The following REV1 variants were observed in gnomAD, a reference collection of about 807,000 sequenced individuals.
The protein encoded by REV1 is translesion synthesis protein REV1.
In REV1, 42 loss-of-function variants were observed where a neutral mutation model predicts 137.4. That is an observed-to-expected ratio of 0.31 (90% confidence interval 0.24 to 0.40). The LOEUF (loss-of-function observed/expected upper bound fraction) is 0.40, where lower values mean the gene tolerates loss of function less well. REV1 is among the 10% of genes least tolerant of loss of function. REV1 has a pLI of 1.00. For missense variants in REV1, 1,282 were observed against 1,490.1 expected (o/e 0.86, Z 2.30); for synonymous variants, 524 against 519.2 (o/e 1.01, Z -0.12).
chr2:99,427,779 T>C (rs1679575394), intron 9 of REV1, among the ~76,000 whole-genome samples: 1 of 152,236 alleles, frequency 6.6e-6, no homozygotes, highest in Non-Finnish European at 1.5e-5. Context: ...GCATTTTTTT[T>C]TTCTTCAAGT....
chr2:99,476,140 T>C (rs1575232957), intron 1 of REV1, among the ~76,000 whole-genome samples: 1 of 152,256 alleles, frequency 6.6e-6, no homozygotes, highest in Admixed American at 6.5e-5. Context: ...GATGTGGCTG[T>C]GCAGTAAGAA....
At chr2:99,468,112 G>A (rs868812336) in intron 1 of REV1, among the ~76,000 whole-genome samples, 1 of 151,864 alleles carries the variant, frequency 6.6e-6, no homozygotes, top group Non-Finnish European at 1.5e-5. Context: ...CCCGGGAGGC[G>A]GAGGTTGCGG....
At chr2:99,424,757 G>T in intron 9 of REV1, 1 of 1,302,716 alleles carries the variant, frequency 7.7e-7, no homozygotes, top group Non-Finnish European at 1.0e-6. Flanking sequence ...CAGACAAAAT[G>T]TACTCATCCT....
Position 99,405,931 on chromosome 2 carries a change from T to A in REV1, c.2790A>T (p.Ile930=). The stretch of plus-strand genomic sequence containing the variant: ...GTACCTGGGAAGGTGACGGGACCTC[T>A]ATACTCAGGTTAAGTCTCGACTGCA... ...VSVQSRLNLS[I]EVPSPSQLDQ... The change falls in exon 17 of 23, where the codon ATA becomes ATT. Residue 930 remains isoleucine (I), a synonymous_variant. Transcript: ENST00000258428. 1 of 1,592,840 alleles carries A rather than the reference T, an allele frequency of 6.3e-7. No individual in the cohort carries two copies. The highest frequency in any genetic ancestry group is 8.5e-7 in the Non-Finnish European group (1 of 1,169,978).
chr2:99,488,934 T>C (rs1687380994), intron 1 of REV1, among the ~76,000 whole-genome samples: 2 of 152,254 alleles, frequency 1.3e-5, no homozygotes, highest in South Asian at 2.1e-4. Flanking sequence ...AATGAAACCA[T>C]TTCTACTTAG....
chr2:99,411,424 T>C (rs968445911), intron 13 of REV1, among the ~76,000 whole-genome samples: 1 of 151,540 alleles, frequency 6.6e-6, no homozygotes, highest in African/African-American at 2.4e-5. Context: ...TTTTTTTTTT[T>C]TGAGACAGTC....
At chr2:99,434,916 T>A (rs1448268251) in intron 7 of REV1, among the ~76,000 whole-genome samples, 2 of 152,206 alleles carry the variant, frequency 1.3e-5, no homozygotes, top group Non-Finnish European at 2.9e-5. Flanking sequence ...TTATCAAACA[T>A]GAGCATACAG....
chr2:99,401,730 G>A (rs929723338), intron 22 of REV1, among the ~76,000 whole-genome samples: 1 of 152,292 alleles, frequency 6.6e-6, no homozygotes, highest in African/African-American at 2.4e-5. Context: ...CTGGGCGACA[G>A]AGTGAGACTC....
intron 1 of REV1, among the ~76,000 whole-genome samples, chr2:99,472,479 G>A (rs931130757): frequency 2.0e-5 from 3 of 152,214 alleles, no homozygotes; most frequent in African/African-American, 4.8e-5. Flanking sequence ...CAATGTGAAT[G>A]TACTTAATGT....
chr2:99,473,603 TCCTAA>T (rs1472479583), intron 1 of REV1, among the ~76,000 whole-genome samples: 4 of 152,224 alleles, frequency 2.6e-5, no homozygotes, highest in Non-Finnish European at 5.9e-5. Flanking sequence ...CAGGCTTTAT[TCCTAA>T]CCTAATAAAA....
At position 99,434,320 on chromosome 2, in the gene REV1, G is replaced by T; in HGVS notation, c.1438+12C>A. 6.4e-7 allele frequency: 1 copy of T among 1,558,266 alleles called. No homozygotes were observed. Among genetic ancestry groups the T allele is most frequent in the Non-Finnish European group, 8.7e-7 (1 of 1,143,794 alleles). Reference sequence around the variant, plus strand: ...CAGGAGCACTAAGACTTCAAAGAGAGCTCATTTGTACCTGCTTTGCCTTTC... The same window carrying T: ...CAGGAGCACTAAGACTTCAAAGAGATCTCATTTGTACCTGCTTTGCCTTTC... On this transcript the variant is annotated intron_variant, in intron 8 of 22. Transcript: ENST00000258428.
At chr2:99,423,026 A>G (rs957684518) in intron 10 of REV1, among the ~76,000 whole-genome samples, 5 of 152,354 alleles carry the variant, frequency 3.3e-5, no homozygotes, top group East Asian at 3.9e-4. Context: ...TACCCAACTT[A>G]TAACTGGAAA....
chr2:99,439,222 A>C lies in REV1; in HGVS notation c.592T>G (p.Phe198Val), dbSNP rs1681160453. 6.2e-7 allele frequency: 1 copy of C among 1,613,976 alleles called. No individual in the cohort carries two copies. Among genetic ancestry groups the C allele is most frequent in the Non-Finnish European group, 8.5e-7 (1 of 1,179,978 alleles). Reference protein sequence around the residue: ...SWNEEDENNDFSFVDLEQTSP... With the variant: ...SWNEEDENNDVSFVDLEQTSP... ...GTCTGCTCCAGATCCACAAAACTAAAATCATTATTTTCATCTTCTTCATTC... is the reference window on the plus strand; with the variant it reads ...GTCTGCTCCAGATCCACAAAACTAACATCATTATTTTCATCTTCTTCATTC... Residue 198 changes from phenylalanine to valine, a missense_variant, in exon 6 of 23, where the codon TTT (phenylalanine) becomes GTT (valine). Physicochemically the swap from Phe to Val is conservative, Grantham distance 50. This residue lies in a region of REV1 where 432 missense variants were observed against 438.0 expected (regional missense o/e 0.99). Coordinates refer to ENST00000258428, the MANE Select transcript of REV1 (RefSeq NM_016316.4).
intron 3 of REV1, among the ~76,000 whole-genome samples, chr2:99,458,028 T>C (rs1683730369): frequency 6.6e-6 from 1 of 152,068 alleles, no homozygotes; most frequent in African/African-American, 2.4e-5. Context: ...AAGAAAACAT[T>C]TGGGATCTAG....
intron 1 of REV1, among the ~76,000 whole-genome samples, chr2:99,479,607 C>A (rs1440976978): frequency 1.3e-5 from 2 of 151,684 alleles, no homozygotes; most frequent in Admixed American, 6.6e-5. Flanking sequence ...CTGAGCAACA[C>A]AGCAAGACCT....
intron 18 of REV1, 122 bp from the exon 19 acceptor site, chr2:99,403,937 A>G: frequency 8.6e-7 from 1 of 1,163,632 alleles, no homozygotes; most frequent in Non-Finnish European, 1.2e-6. Context: ...CGAATTCTTA[A>G]CAGTTCCCCA....
chr2:99,486,872 C>A (rs1391818137), intron 1 of REV1, among the ~76,000 whole-genome samples: 2 of 151,504 alleles, frequency 1.3e-5, no homozygotes, highest in Non-Finnish European at 2.9e-5. Flanking sequence ...TTGTTGAGAA[C>A]AGGGCTGGCA....
chr2:99,418,872 T>A lies in REV1; in HGVS notation c.1907A>T (p.Glu636Val), dbSNP rs1678252736. ...CTGGCCTCTGATAAAATCATCTACT[T>A]CTTCTGGTTTTAGGTGGTACTGCCC... Reference protein sequence around the residue: ...PDGQYHLKPEEVDDFIRGQLV... With the variant: ...PDGQYHLKPEVVDDFIRGQLV... The change falls in exon 12 of 23, where the codon GAA (glutamate) becomes GTA (valine). Residue 636 changes from glutamate to valine, a missense_variant. Transcript: ENST00000258428. 3 of 1,612,686 alleles carry A rather than the reference T, an allele frequency of 1.9e-6. No individual in the cohort carries two copies. Among genetic ancestry groups the A allele is most frequent in the South Asian group, 1.1e-5 (1 of 91,044 alleles).
intron 1 of REV1, among the ~76,000 whole-genome samples, chr2:99,465,882 C>G (rs1022877715): frequency 1.3e-5 from 2 of 152,158 alleles, no homozygotes; most frequent in Non-Finnish European, 2.9e-5. Flanking sequence ...TTAACAACAC[C>G]TTAAACCATG....
Sources: gnomAD v4.1 joint callset for allele counts (sites outside exome capture counted in the v4.1 genomes callset) on GRCh38, gnomAD v4.1.1 for gene constraint, gnomAD v4.1.1 regional missense constraint, MANE v1.5 for transcripts, NCBI Gene and HGNC (gene_info 2026-07-23, HGNC 2026-07-21) for gene names.